Variants in TAPT1 observed in about 807,000 individuals in gnomAD.
TAPT1 encodes the protein transmembrane anterior posterior transformation protein 1 homolog.
Under a neutral mutation model 65.6 loss-of-function variants are expected in TAPT1, and 28 were observed. That is an observed-to-expected ratio of 0.43 (90% CI 0.32 to 0.59). TAPT1 has a LOEUF of 0.59. Among genes scored for constraint, TAPT1 ranks in the 20% least tolerant of loss-of-function variants. The pLI is 0.09. For missense variants in TAPT1, 563 were observed against 679.9 expected, an observed-to-expected ratio of 0.83 and a Z score of 1.91; for synonymous variants, 278 against 245.2, an observed-to-expected ratio of 1.13 and a Z score of -1.25.
At chr4:16,177,284 T>G (rs1278976437) in intron 8 of TAPT1, among the ~76,000 whole-genome samples, 1 of 152,216 alleles carries the variant, frequency 6.6e-6, no homozygotes, top group Non-Finnish European at 1.5e-5. Flanking sequence ...AAAAAAATTT[T>G]TTTAATGCCA....
Position 16,170,667 on chromosome 4 carries a change from T to A in TAPT1, c.1299A>T (p.Ile433=), listed in dbSNP as rs1459771928. 2.5e-6 allele frequency: 4 copies of A among 1,612,556 alleles called. No homozygotes were observed. The Admixed American group carries it at 6.7e-5, about 27-fold the overall frequency. ...VQGILSYACV[I]LFYFGLISLK... ...AATAATCTTACCCAAAATAGAAGAG[T>A]ATGACACAGGCATAAGACAGGATTC... The change falls in exon 12 of 14, where the codon ATA becomes ATT. Residue 433 remains isoleucine, a synonymous_variant. Coordinates refer to ENST00000405303, the MANE Select transcript of TAPT1 (RefSeq NM_153365.3).
chr4:16,160,730 T>C lies in TAPT1; in HGVS notation c.*2578A>G, dbSNP rs555170247. 1.3e-5 allele frequency: 2 copies of C among 152,530 alleles called. No homozygotes were observed. Among genetic ancestry groups the C allele is most frequent in the East Asian group, 1.9e-4 (1 of 5,190 alleles). 9.4% of individuals were successfully genotyped at this position (152,530 alleles called of 1,614,324 possible). The stretch of plus-strand genomic sequence containing the variant: ...TGTTGATAAAAAATAGTTGAAAACA[T>C]GTAACAATGTAGAGATATTACATTA... On this transcript the variant is annotated 3_prime_UTR_variant, in exon 14 of 14. Transcript: ENST00000405303.
intron 2 of TAPT1, among the ~76,000 whole-genome samples, chr4:16,210,689 A>G (rs1750600444): frequency 6.6e-6 from 1 of 152,206 alleles, no homozygotes; most frequent in Admixed American, 6.5e-5. Context: ...ACACTTTGCT[A>G]TCTTGCCTCT....
rs1231368734 is a variant in TAPT1, at chr4:16,179,557, T to C, written c.997+20A>G. On this transcript the variant is annotated intron_variant, in intron 8 of 13. Coordinates refer to ENST00000405303, the MANE Select transcript of TAPT1 (RefSeq NM_153365.3). The stretch of plus-strand genomic sequence containing the variant: ...TTAGAAGTAAAATTATAAGACACTG[T>C]TTTGTTAAGAGTGAGTTACCTGGAT... 6.9e-7 allele frequency: 1 copy of C among 1,448,884 alleles called. No individual in the cohort carries two copies. 89.8% of individuals were successfully genotyped at this position (1,448,884 alleles called of 1,614,324 possible).
chr4:16,217,782 G>A (rs1751025191), intron 1 of TAPT1, among the ~76,000 whole-genome samples: 1 of 152,214 alleles, frequency 6.6e-6, no homozygotes, highest in Admixed American at 6.5e-5. Flanking sequence ...TCTGAGACTT[G>A]GGGAGTTAGC....
At chr4:16,224,561 C>G (rs1751438494) in intron 1 of TAPT1, among the ~76,000 whole-genome samples, 1 of 152,154 alleles carries the variant, frequency 6.6e-6, no homozygotes, top group Middle Eastern at 3.2e-3. Context: ...CTTGGTAAAG[C>G]AGGAGTGGCC....
At chr4:16,215,463 G>A (rs1021477236) in intron 1 of TAPT1, among the ~76,000 whole-genome samples, 2 of 151,892 alleles carry the variant, frequency 1.3e-5, no homozygotes, top group African/African-American at 4.8e-5. Flanking sequence ...CTTATGTTAG[G>A]GTTTATTCCA....
intron 12 of TAPT1, among the ~76,000 whole-genome samples, chr4:16,167,757 A>G (rs754691177): frequency 3.5e-4 from 54 of 152,252 alleles, no homozygotes; most frequent in Non-Finnish European, 6.9e-4. Context: ...TGTTATTTAT[A>G]TAACACTGTA....
Position 16,191,521 on chromosome 4 carries a change from T to C in TAPT1, c.452A>G (p.Asp151Gly). The part of the protein sequence containing the change: ...LLTLPCYGLR[D>G]RRLLQPAQVC... ...CTGGGCAGGCTGAAGCAAACGTCTG[T>C]CCCTGAAACATACAAGAAGTAATAA... Residue 151 changes from aspartate to glycine, a missense_variant and splice_region_variant, in exon 4 of 14, where the codon GAC (aspartate) becomes GGC (glycine). By Grantham distance (94) the Asp-to-Gly change is moderately conservative (BLOSUM62 -1). This residue lies in a region of TAPT1 where 217 missense variants were observed against 317.5 expected (regional missense o/e 0.68). Coordinates refer to ENST00000405303, the MANE Select transcript of TAPT1 (RefSeq NM_153365.3). The C allele has an allele frequency of 6.4e-7, 1 of 1,555,140 alleles. No homozygotes were observed. The highest frequency in any genetic ancestry group is 8.7e-7 in the Non-Finnish European group (1 of 1,148,914).
chr4:16,178,456 C>T (rs746160545), intron 8 of TAPT1, among the ~76,000 whole-genome samples: 16 of 151,892 alleles, frequency 1.1e-4, no homozygotes, highest in Non-Finnish European at 1.5e-5. Flanking sequence ...AAATGAAATC[C>T]AAAACATGGT....
Position 16,174,237 on chromosome 4 carries a change from C to T in TAPT1, c.1203G>A (p.Arg401=). The T allele has an allele frequency of 1.2e-6, 2 of 1,608,142 alleles. No individual in the cohort carries two copies. Among genetic ancestry groups the T allele is most frequent in the Non-Finnish European group, 1.7e-6 (2 of 1,177,240 alleles). ...YTDYSDSVAR[R]MGFIPLPLAV... ...CTAGTGGGAGAGGAATAAAGCCCAT[C>T]CTCCGTGCTACAGAGTCACTGTAAT... Residue 401 remains arginine (R), a synonymous_variant, in exon 11 of 14, where the codon AGG becomes AGA. Transcript: ENST00000405303.
At chr4:16,195,183 G>A (rs533949190) in intron 3 of TAPT1, among the ~76,000 whole-genome samples, 16 of 152,294 alleles carry the variant, frequency 1.1e-4, no homozygotes, top group South Asian at 6.2e-4. Context: ...AGTTTACCTG[G>A]TTAAAACAAC....
In TAPT1 at chr4:16,161,522, G is replaced by A. The variant is rs1747248670; in HGVS notation, c.*1786C>T. On this transcript the variant is annotated 3_prime_UTR_variant, in exon 14 of 14. Coordinates refer to ENST00000405303, the MANE Select transcript of TAPT1 (RefSeq NM_153365.3). ...CTGCTCTGAAATCAGGGTTGTGTTT[G>A]GCAAAGCTTTCCCCAAACTATTCCA... is the stretch of plus-strand genomic sequence containing the variant. 1 of 152,558 alleles carries A rather than the reference G, an allele frequency of 6.6e-6. No individual in the cohort carries two copies. The allele number at this position is 152,558 out of a possible 1,614,324, so 9.5% of individuals were successfully genotyped here. A position where few individuals can be genotyped will look rare whatever the true frequency, so the allele number is the denominator to read the frequency against.
At position 16,213,909 on chromosome 4, in the gene TAPT1, GAAAAT is replaced by G; in HGVS notation, c.200-16_200-12del. The G allele has an allele frequency of 6.3e-7, 1 of 1,578,200 alleles. No homozygotes were observed. The highest frequency in any genetic ancestry group is 8.5e-7 in the Non-Finnish European group (1 of 1,170,356). On this transcript the variant is annotated splice_polypyrimidine_tract_variant and intron_variant, in intron 1 of 13. Transcript: ENST00000405303. ...TCAACAATGAAAGCTCTACAGAAAAGAAAATGACAGAAAACAAAAAGAACAGTATT... is the reference window on the plus strand; with the variant it reads ...TCAACAATGAAAGCTCTACAGAAAAGGACAGAAAACAAAAAGAACAGTATT...
At position 16,176,245 on chromosome 4, in the gene TAPT1, GA is replaced by G; in HGVS notation, c.998-18del. ...AGAGATGATCTGTAAATAGAAAAAA[GA>G]AAAACAACGAAATATCTTAATATGA... is the stretch of plus-strand genomic sequence containing the variant. On this transcript the variant is annotated intron_variant, in intron 8 of 13. Coordinates refer to ENST00000405303, the MANE Select transcript of TAPT1 (RefSeq NM_153365.3). The G allele has an allele frequency of 1.6e-6, 2 of 1,280,674 alleles. No individual in the cohort carries two copies. The highest frequency in any genetic ancestry group is 5.0e-5 in the East Asian group (2 of 39,750). 79.3% of individuals were successfully genotyped at this position (1,280,674 alleles called of 1,614,324 possible).
chr4:16,202,805 C>T (rs1367391818), intron 2 of TAPT1, among the ~76,000 whole-genome samples: 2 of 152,104 alleles, frequency 1.3e-5, no homozygotes, highest in African/African-American at 2.4e-5. Flanking sequence ...AACAAGTTGC[C>T]CTTGACCATA....
At chr4:16,202,741 G>T (rs1353341956) in intron 2 of TAPT1, among the ~76,000 whole-genome samples, 161 bp from the exon 3 acceptor site, 1 of 152,174 alleles carries the variant, frequency 6.6e-6, no homozygotes, top group Non-Finnish European at 1.5e-5. Flanking sequence ...CAAAGAGTGA[G>T]TCTGTGCTTC....
rs1219401298 is a variant in TAPT1 at position 16,163,267 on chromosome 4, T to G, written c.*41A>C. 1.4e-6 allele frequency: 2 copies of G among 1,457,166 alleles called. No homozygotes were observed. Among genetic ancestry groups the G allele is most frequent in the East Asian group, 2.3e-5 (1 of 44,144 alleles). 90.3% of individuals were successfully genotyped at this position (1,457,166 alleles called of 1,614,324 possible). ...TTTGTCCTGGCAACACAGCACTTGT[T>G]GCCCCAGGACCCAGCTTCTTCAGCG... On this transcript the variant is annotated 3_prime_UTR_variant, in exon 14 of 14. Coordinates refer to ENST00000405303, the MANE Select transcript of TAPT1 (RefSeq NM_153365.3).
intron 11 of TAPT1, among the ~76,000 whole-genome samples, chr4:16,172,301 T>C (rs898361390): frequency 2.0e-5 from 3 of 152,144 alleles, no homozygotes; most frequent in Admixed American, 6.6e-5. Context: ...AATAAGTCAA[T>C]TATTATTTGG....
Sources: gnomAD v4.1 joint callset for allele counts (sites outside exome capture counted in the v4.1 genomes callset) on GRCh38, gnomAD v4.1.1 for gene constraint, gnomAD v4.1.1 regional missense constraint, MANE v1.5 for transcripts, NCBI Gene and HGNC (gene_info 2026-07-23, HGNC 2026-07-21) for gene names.